ROBO1: variants seen among roughly 807,000 people sequenced by gnomAD.
The protein encoded by ROBO1 is roundabout guidance receptor 1.
ROBO1 carries 149 observed loss-of-function variants against 195.9 expected under a neutral mutation model. That is an observed-to-expected ratio of 0.76 (90% CI 0.67 to 0.87). The LOEUF is 0.87. Ranked by LOEUF, ROBO1 falls within the 40% of genes least tolerant of loss-of-function variation. The probability of loss-of-function intolerance (pLI) is 0.00; values close to 1 mark genes in which losing one functional copy is unlikely to be tolerated. For synonymous variants in ROBO1, 816 were observed against 733.2 expected, an observed-to-expected ratio of 1.11 and a Z score of -1.82; for missense variants, 1,933 against 2,068.3, an observed-to-expected ratio of 0.93 and a Z score of 1.27.
chr3:78,792,154 A>AC (rs1397902029), intron 4 of ROBO1, among the ~76,000 whole-genome samples: 2 of 152,100 alleles, frequency 1.3e-5, no homozygotes, highest in African/African-American at 4.8e-5. Context: ...GAGTCCTGGG[A>AC]CCTCATTGTG....
intron 1 of ROBO1, among the ~76,000 whole-genome samples, chr3:79,732,207 T>C (rs4856296): frequency 0.31 from 46,781 of 151,598 alleles, 7,366 homozygotes; most frequent in African/African-American, 0.37. Context: ...AATATAGTGG[T>C]ATAATCTTAT....
intron 2 of ROBO1, among the ~76,000 whole-genome samples, chr3:79,577,348 G>A (rs942538466): frequency 2.0e-5 from 3 of 152,012 alleles, no homozygotes; most frequent in African/African-American, 4.8e-5. Context: ...AAAATATTAA[G>A]TATTTAAAAT....
At chr3:79,517,895 G>T (rs1019489003) in intron 2 of ROBO1, among the ~76,000 whole-genome samples, 6 of 152,256 alleles carry the variant, frequency 3.9e-5, no homozygotes, top group African/African-American at 1.2e-4. Flanking sequence ...TGAATATGTG[G>T]TATTCCAAGA....
At chr3:79,356,741 C>A (rs1447511177) in intron 2 of ROBO1, among the ~76,000 whole-genome samples, 1 of 152,106 alleles carries the variant, frequency 6.6e-6, no homozygotes, top group Admixed American at 6.6e-5. Flanking sequence ...CATTTGCTAG[C>A]AAATGTGCTA....
chr3:79,436,526 C>T (rs2038895255), intron 2 of ROBO1, among the ~76,000 whole-genome samples: 1 of 152,052 alleles, frequency 6.6e-6, no homozygotes, highest in South Asian at 2.1e-4. Flanking sequence ...GCTTAGTCAA[C>T]TCAATGTTAT....
intron 3 of ROBO1, among the ~76,000 whole-genome samples, chr3:78,957,620 T>C (rs550423934): frequency 1.3e-5 from 2 of 152,246 alleles, no homozygotes; most frequent in South Asian, 2.1e-4. Context: ...ATTACATGAA[T>C]AGAGACCACA....
At chr3:79,502,618 G>C (rs1035554851) in intron 2 of ROBO1, among the ~76,000 whole-genome samples, 1 of 152,136 alleles carries the variant, frequency 6.6e-6, no homozygotes, top group African/African-American at 2.4e-5. Context: ...CGCACAGCGC[G>C]GGACTGGCGG....
chr3:78,632,444 G>A (rs77316686), intron 24 of ROBO1, among the ~76,000 whole-genome samples: 6,492 of 152,206 alleles, frequency 0.043, 148 homozygotes, highest in Non-Finnish European at 0.053. Context: ...CCACCACTCC[G>A]GTGTCCAGCA....
At chr3:79,321,034 C>T (rs991126178) in intron 2 of ROBO1, among the ~76,000 whole-genome samples, 1 of 152,140 alleles carries the variant, frequency 6.6e-6, no homozygotes, top group African/African-American at 2.4e-5. Context: ...TAATATGTAA[C>T]TACCTGTTAA....
intron 4 of ROBO1, among the ~76,000 whole-genome samples, chr3:78,748,861 G>C (rs746012917): frequency 1.3e-5 from 2 of 151,966 alleles, no homozygotes; most frequent in African/African-American, 2.4e-5. Flanking sequence ...AACAGTAAAA[G>C]GAAAAGCAAA....
At chr3:79,157,972 T>A (rs1434446610) in intron 2 of ROBO1, among the ~76,000 whole-genome samples, 1 of 151,962 alleles carries the variant, frequency 6.6e-6, no homozygotes, top group East Asian at 1.9e-4. Context: ...TTTATTTAAG[T>A]GATCCTTGTT....
chr3:79,086,975 G>T (rs1267380266), intron 3 of ROBO1, among the ~76,000 whole-genome samples: 1 of 151,930 alleles, frequency 6.6e-6, no homozygotes, highest in Non-Finnish European at 1.5e-5. Context: ...GTGATGAATA[G>T]TTCACTAAAT....
At chr3:79,510,083 A>G (rs1463576290) in intron 2 of ROBO1, among the ~76,000 whole-genome samples, 2 of 152,096 alleles carry the variant, frequency 1.3e-5, no homozygotes, top group Non-Finnish European at 2.9e-5. Context: ...AATACTTAAG[A>G]ATGTATATCT....
intron 2 of ROBO1, among the ~76,000 whole-genome samples, chr3:79,178,667 T>C (rs971420754): frequency 5.9e-5 from 9 of 152,146 alleles, no homozygotes; most frequent in African/African-American, 1.7e-4. Context: ...CAAGTGGCAT[T>C]GTGAGGGTTA....
At chr3:79,533,932 GAA>G (rs748992642) in intron 2 of ROBO1, among the ~76,000 whole-genome samples, 1 of 151,956 alleles carries the variant, frequency 6.6e-6, no homozygotes, top group Non-Finnish European at 1.5e-5. Flanking sequence ...TGTAGCAGAT[GAA>G]ATTAAGCTTA....
intron 2 of ROBO1, among the ~76,000 whole-genome samples, chr3:79,316,666 G>A (rs1186507749): frequency 6.6e-6 from 1 of 152,078 alleles, no homozygotes; most frequent in African/African-American, 2.4e-5. Flanking sequence ...GGAAGGTGGG[G>A]AGAGTAAATG....
At chr3:79,092,136 G>A (rs968414315) in intron 3 of ROBO1, among the ~76,000 whole-genome samples, 1 of 152,168 alleles carries the variant, frequency 6.6e-6, no homozygotes. Flanking sequence ...GGGAAACATA[G>A]TTGGATTGTT....
At chr3:79,567,170 C>T (rs1002297846) in intron 2 of ROBO1, among the ~76,000 whole-genome samples, 15 of 152,130 alleles carry the variant, frequency 9.9e-5, no homozygotes, top group African/African-American at 3.4e-4. Flanking sequence ...CCAAATGTCA[C>T]ACATTCTCAA....
At chr3:78,924,686 C>T (rs1024480289) in intron 4 of ROBO1, among the ~76,000 whole-genome samples, 4 of 151,700 alleles carry the variant, frequency 2.6e-5, no homozygotes, top group Non-Finnish European at 4.4e-5. Flanking sequence ...TTCCTACCTC[C>T]CCTAAGTAGC....
Sources: gnomAD v4.1 joint callset for allele counts (sites outside exome capture counted in the v4.1 genomes callset) on GRCh38, gnomAD v4.1.1 for gene constraint, MANE v1.5 for transcripts, NCBI Gene and HGNC (gene_info 2026-07-23, HGNC 2026-07-21) for gene names.